FSTL5: variants seen among roughly 807,000 people sequenced by gnomAD.
FSTL5 encodes follistatin like 5.
FSTL5 carries 62 observed loss-of-function variants against 89.1 expected under a neutral mutation model. The observed-to-expected ratio is 0.70, with a 90% CI of 0.57 to 0.86. The LOEUF (loss-of-function observed/expected upper bound fraction) is 0.86, where lower values mean the gene tolerates loss of function less well. Among genes scored for constraint, FSTL5 ranks in the 40% least tolerant of loss-of-function variants. The pLI is 0.00. For synonymous variants in FSTL5, 383 were observed against 346.2 expected (o/e 1.11, Z -1.18); for missense variants, 1,057 against 1,001.6 (o/e 1.06, Z -0.75).
chr4:161,659,120 A>C (rs1272600777), intron 6 of FSTL5, among the ~76,000 whole-genome samples: 1 of 152,322 alleles, frequency 6.6e-6, no homozygotes, highest in Admixed American at 6.5e-5. Flanking sequence ...ATGTGTAATT[A>C]GAATAAAGAA....
intron 1 of FSTL5, among the ~76,000 whole-genome samples, chr4:162,143,743 CACACA>C (rs762606280): frequency 0.3 from 19,550 of 65,582 alleles, 1,730 homozygotes; most frequent in African/African-American, 0.34. Context: ...CACACACACA[CACACA>C]CCCAGGAAAA....
At chr4:161,836,749 AT>A (rs1731056586) in intron 4 of FSTL5, among the ~76,000 whole-genome samples, 1 of 152,096 alleles carries the variant, frequency 6.6e-6, no homozygotes, top group Admixed American at 6.6e-5. Flanking sequence ...TTTATTAAAA[AT>A]AAATTTTTTA....
chr4:161,780,349 A>G (rs1047427742), intron 4 of FSTL5, among the ~76,000 whole-genome samples: 12 of 152,060 alleles, frequency 7.9e-5, no homozygotes, highest in African/African-American at 2.7e-4. Context: ...GTTTGCTTAT[A>G]TGGTTACTTT....
chr4:162,107,433 C>A (rs1007973948), intron 2 of FSTL5, among the ~76,000 whole-genome samples: 1 of 152,124 alleles, frequency 6.6e-6, no homozygotes, highest in Non-Finnish European at 1.5e-5. Flanking sequence ...TCTGAGTACA[C>A]TAATTCTAAA....
In FSTL5 at chr4:161,448,465, C is replaced by T. The variant is rs2314096; in HGVS notation, c.1841+6539G>A. Among the ~76,000 whole-genome samples, 638 of 152,120 alleles carry T rather than the reference C, an allele frequency of 4.2e-3. 5 individuals are homozygous for T. Among genetic ancestry groups the T allele is most frequent in the African/African-American group, 0.015 (607 of 41,504 alleles). On this transcript the variant is annotated intron_variant, in intron 15 of 15. Transcript: ENST00000306100. ...TGGTTAGCCATATATATAATTTTTG[C>T]TTTAACGGATTTGATAAAATATGGG... is the stretch of plus-strand genomic sequence containing the variant.
chr4:161,775,305 T>G (rs1741367692), intron 5 of FSTL5, among the ~76,000 whole-genome samples: 1 of 152,160 alleles, frequency 6.6e-6, no homozygotes, highest in Admixed American at 6.5e-5. Context: ...CTTCTTCTCT[T>G]CATTATTCTC....
intron 4 of FSTL5, among the ~76,000 whole-genome samples, chr4:161,783,719 CTTTCTTCTTTTCT>C (rs1330393683): frequency 0.015 from 392 of 26,730 alleles, 160 homozygotes; most frequent in Non-Finnish European, 0.019. Flanking sequence ...TTCTTTCTTT[CTTTCTTCTTTTCT>C]TTTCTTTCTT....
intron 4 of FSTL5, among the ~76,000 whole-genome samples, chr4:161,830,629 T>G (rs1256665307): frequency 1.3e-5 from 2 of 152,034 alleles, no homozygotes; most frequent in African/African-American, 4.8e-5. Context: ...TATTGCAAAC[T>G]GAACATGCTT....
intron 2 of FSTL5, among the ~76,000 whole-genome samples, chr4:162,044,148 T>C (rs1738082555): frequency 1.3e-5 from 2 of 152,208 alleles, no homozygotes; most frequent in Non-Finnish European, 2.9e-5. Flanking sequence ...ATCAGAGGAA[T>C]CACTGTCTAT....
chr4:161,458,934 T>C (rs567917250), intron 14 of FSTL5, among the ~76,000 whole-genome samples: 5 of 152,204 alleles, frequency 3.3e-5, no homozygotes, highest in African/African-American at 1.2e-4. Context: ...AAAAAGTAAA[T>C]TATGACTTTC....
intron 15 of FSTL5, among the ~76,000 whole-genome samples, chr4:161,414,053 C>T (rs1486144192): frequency 6.6e-6 from 1 of 151,818 alleles, no homozygotes. Flanking sequence ...CAGATATGCC[C>T]CTTGTATCTA....
intron 1 of FSTL5, among the ~76,000 whole-genome samples, chr4:162,135,522 A>G (rs1732489977): frequency 6.6e-6 from 1 of 152,078 alleles, no homozygotes; most frequent in East Asian, 1.9e-4. Context: ...TTACCATTCA[A>G]TCAATTTCAA....
chr4:161,508,334 C>G (rs1320062824), intron 11 of FSTL5, among the ~76,000 whole-genome samples: 1 of 151,824 alleles, frequency 6.6e-6, no homozygotes, highest in African/African-American at 2.4e-5. Flanking sequence ...TTTCCTATTA[C>G]AAGAAACAAC....
chr4:161,845,509 A>G (rs1164016500), intron 4 of FSTL5, among the ~76,000 whole-genome samples: 1 of 152,164 alleles, frequency 6.6e-6, no homozygotes, highest in Non-Finnish European at 1.5e-5. Context: ...CATTTTATTC[A>G]CTAGACATGA....
intron 6 of FSTL5, among the ~76,000 whole-genome samples, chr4:161,726,854 T>A (rs1739438566): frequency 6.7e-6 from 1 of 150,366 alleles, no homozygotes; most frequent in African/African-American, 2.4e-5. Context: ...TAAGGGATTC[T>A]AACCTGTCAA....
chr4:161,939,453 A>C (rs1036496773), intron 3 of FSTL5, among the ~76,000 whole-genome samples: 4 of 151,992 alleles, frequency 2.6e-5, no homozygotes, highest in African/African-American at 9.7e-5. Flanking sequence ...TAATTAAAAT[A>C]AGATTTATTT....
chr4:161,909,358 C>T (rs2110823202), intron 4 of FSTL5, among the ~76,000 whole-genome samples: 1 of 152,166 alleles, frequency 6.6e-6, no homozygotes, highest in African/African-American at 2.4e-5. Context: ...AATAAAACTC[C>T]TGGTTAAAAC....
intron 6 of FSTL5, among the ~76,000 whole-genome samples, chr4:161,721,202 C>T (rs1312164756): frequency 3.5e-5 from 5 of 142,676 alleles, no homozygotes; most frequent in Admixed American, 7.8e-5. Context: ...GGCGTGAACC[C>T]GGGAAGCGGA....
chr4:161,868,480 G>A (rs898854330), intron 4 of FSTL5, among the ~76,000 whole-genome samples: 4 of 152,066 alleles, frequency 2.6e-5, no homozygotes, highest in African/African-American at 9.7e-5. Flanking sequence ...AGCCTTGCCC[G>A]AACGACCTCA....
Sources: gnomAD v4.1 joint callset for allele counts (sites outside exome capture counted in the v4.1 genomes callset) on GRCh38, gnomAD v4.1.1 for gene constraint, MANE v1.5 for transcripts, NCBI Gene and HGNC (gene_info 2026-07-23, HGNC 2026-07-21) for gene names.